DYNLT1: variants seen among roughly 807,000 people sequenced by gnomAD.
DYNLT1 encodes the protein dynein light chain Tctex-type 1, also known as T-complex testis-specific protein 1 homolog.
Under a neutral mutation model 19.6 loss-of-function variants are expected in DYNLT1, and 18 were observed. The observed-to-expected ratio is 0.92, with a 90% CI of 0.64 to 1.36. The LOEUF is 1.36. Ranked by LOEUF, DYNLT1 falls within the 40% of genes most tolerant of loss-of-function variation. DYNLT1 has a pLI of 0.00. For missense variants in DYNLT1, 137 were observed against 139.3 expected (o/e 0.98, Z 0.08); for synonymous variants, 56 against 44.0 (o/e 1.27, Z -1.07).
At position 158,636,832 on chromosome 6, in the gene DYNLT1, T is replaced by TAGAC; in HGVS notation, c.333_336dup (p.Ile113ValfsTer25). Reference sequence around the variant, plus strand: ...GCCATAGGCTGGACTGCAGGTCAAATAGACAGTCCGAAGGCACTGACGATG... The same window carrying TAGAC: ...GCCATAGGCTGGACTGCAGGTCAAATAGACAGACAGTCCGAAGGCACTGACGATG... On this transcript the variant is annotated frameshift_variant, in exon 5 of 5. Transcript: ENST00000367089. LOFTEE classifies it high-confidence loss of function. The TAGAC allele has an allele frequency of 2.5e-6, 4 of 1,610,942 alleles. No individual in the cohort carries two copies. Among genetic ancestry groups the TAGAC allele is most frequent in the Non-Finnish European group, 3.4e-6 (4 of 1,178,674 alleles).
At chr6:158,638,546 TCC>T (rs1787070953) in intron 2 of DYNLT1, among the ~76,000 whole-genome samples, 1 of 113,004 alleles carries the variant, frequency 8.8e-6, no homozygotes, top group Non-Finnish European at 2.1e-5. Context: ...CACCTCAGCT[TCC>T]CTCCTGGGCT....
intron 4 of DYNLT1, 90 bp downstream of exon 4, chr6:158,637,038 G>A (rs747177314): frequency 1.3e-6 from 2 of 1,555,976 alleles, no homozygotes; most frequent in Non-Finnish European, 1.8e-6. Context: ...GTTTTAAAAG[G>A]TGATAAACAT....
chr6:158,641,443 A>G, intron 1 of DYNLT1, 83 bp from the exon 2 acceptor site: 1 of 1,243,792 alleles, frequency 8.0e-7, no homozygotes, highest in Non-Finnish European at 1.1e-6. Flanking sequence ...TAGGTAATGA[A>G]CATAATGTAG....
chr6:158,644,661 C>T, intron 1 of DYNLT1, 21 bp downstream of exon 1: 2 of 1,611,868 alleles, frequency 1.2e-6, no homozygotes, highest in East Asian at 2.2e-5. Context: ...TCCACCCTTC[C>T]GTCGCCGACC....
chr6:158,637,131 CAGT>C lies in DYNLT1; in HGVS notation c.265_267del (p.Thr89del). On this transcript the variant is annotated inframe_deletion, in exon 4 of 5. Transcript: ENST00000367089. ...CAAACATGAATGAAAATCATACCGT[CAGT>C]AGAGCTGTCCCAGAAGCAGGAACTT... 5 of 1,614,226 alleles carry C rather than the reference CAGT, an allele frequency of 3.1e-6. No homozygotes were observed. The highest frequency in any genetic ancestry group is 4.2e-6 in the Non-Finnish European group (5 of 1,180,028).
chr6:158,637,006 CT>C, intron 4 of DYNLT1, 109 bp from the exon 5 acceptor site: 1 of 1,539,324 alleles, frequency 6.5e-7, no homozygotes. Context: ...CACAAAGAAC[CT>C]TGGCAAGTCT....
intron 2 of DYNLT1, among the ~76,000 whole-genome samples, chr6:158,640,455 A>C: frequency 1.3e-5 from 2 of 150,380 alleles, no homozygotes; most frequent in East Asian, 2.0e-4. Context: ...GATGAGGAAA[A>C]CTCTTTCTGG....
At chr6:158,644,140 T>C (rs9364985) in intron 1 of DYNLT1, among the ~76,000 whole-genome samples, 98,562 of 151,716 alleles carry the variant, frequency 0.65, 32,834 homozygotes, top group African/African-American at 0.79. Context: ...ATTCCCAGCG[T>C]TGCAGAACCA....
intron 2 of DYNLT1, among the ~76,000 whole-genome samples, chr6:158,640,527 A>G (rs773808761): frequency 1.5e-4 from 23 of 151,700 alleles, no homozygotes; most frequent in Non-Finnish European, 2.7e-4. Flanking sequence ...AGCCACACCC[A>G]CCTCCTTTCA....
At chr6:158,639,811 G>T (rs1264534720) in intron 2 of DYNLT1, among the ~76,000 whole-genome samples, 1 of 152,178 alleles carries the variant, frequency 6.6e-6, no homozygotes, top group Non-Finnish European at 1.5e-5. Context: ...CTCCCAAGGA[G>T]CTGGGACTAC....
rs1194226473 is a variant in DYNLT1, at chr6:158,637,883, G to A, written c.81C>T (p.Ser27=). The change falls in exon 3 of 5, where the codon AGC becomes AGT. Residue 27 remains serine (S), a synonymous_variant. Coordinates refer to ENST00000367089, the MANE Select transcript of DYNLT1 (RefSeq NM_006519.4). ...GTTGATAAGCGTTACCACCAATTGC[G>A]CTTTCTATAGCCTAGAAAACAAAGC... ...VSNIVKEAIE[S]AIGGNAYQHS... 4.4e-6 allele frequency: 7 copies of A among 1,602,940 alleles called. No homozygotes were observed. Among genetic ancestry groups the A allele is most frequent in the East Asian group, 2.2e-5 (1 of 44,894 alleles).
intron 1 of DYNLT1, among the ~76,000 whole-genome samples, chr6:158,643,653 G>T (rs774356790): frequency 5.3e-5 from 8 of 151,946 alleles, no homozygotes; most frequent in Non-Finnish European, 1.0e-4. Context: ...GGCTAATTTT[G>T]TATTTTTAAA....
intron 2 of DYNLT1, among the ~76,000 whole-genome samples, chr6:158,639,311 G>A (rs1342080355): frequency 2.6e-5 from 4 of 152,198 alleles, no homozygotes; most frequent in African/African-American, 4.8e-5. Flanking sequence ...GGCTACAAGA[G>A]GGCTGGGGGG....
chr6:158,641,356 G>A lies in DYNLT1; in HGVS notation c.32C>T (p.Ala11Val), dbSNP rs757045992. The A allele has an allele frequency of 6.3e-7, 1 of 1,594,794 alleles. No homozygotes were observed. Among genetic ancestry groups the A allele is most frequent in the African/African-American group, 1.4e-5 (1 of 73,824 alleles). Residue 11 changes from alanine (A) to valine (V), a missense_variant, in exon 2 of 5, where the codon GCT becomes GTT. Coordinates refer to ENST00000367089, the MANE Select transcript of DYNLT1 (RefSeq NM_006519.4). MEDYQAAEET[A>V]FVVDEVSNIV... Reference sequence around the variant, plus strand: ...GTTGCTCACTTCATCAACAACAAAAGCAGTCTGTAAGGAAGAACATTCAGT... The same window carrying A: ...GTTGCTCACTTCATCAACAACAAAAACAGTCTGTAAGGAAGAACATTCAGT...
intron 3 of DYNLT1, 141 bp from the exon 4 acceptor site, chr6:158,637,346 T>C: frequency 1.4e-6 from 1 of 716,348 alleles, no homozygotes; most frequent in East Asian, 2.7e-5. Flanking sequence ...GATTGCCTTG[T>C]CTCACTATAT....
At chr6:158,637,661 G>C in intron 3 of DYNLT1, 110 bp downstream of exon 3, 5 of 1,561,626 alleles carry the variant, frequency 3.2e-6, no homozygotes, top group South Asian at 1.1e-5. Flanking sequence ...CTCCCACCAG[G>C]AGCCTTCCTT....
At position 158,644,676 on chromosome 6, in the gene DYNLT1, G is replaced by T; in HGVS notation, c.27+6C>A. On this transcript the variant is annotated splice_donor_region_variant and intron_variant, in intron 1 of 4. Coordinates refer to ENST00000367089, the MANE Select transcript of DYNLT1 (RefSeq NM_006519.4). Reference sequence around the variant, plus strand: ...TCCACCCTTCCGTCGCCGACCCGGCGGTTACCTCCTCCGCAGCCTGGTAGT... The same window carrying T: ...TCCACCCTTCCGTCGCCGACCCGGCTGTTACCTCCTCCGCAGCCTGGTAGT... The T allele has an allele frequency of 6.2e-7, 1 of 1,612,096 alleles. No individual in the cohort carries two copies.
intron 1 of DYNLT1, chr6:158,642,475 T>G (rs1297348560): frequency 6.6e-6 from 1 of 152,250 alleles, no homozygotes; most frequent in Non-Finnish European, 1.5e-5. Context: ...TCAGTCAACG[T>G]GCATCCTGAG....
At chr6:158,636,949 GTT>G (rs762173888) in intron 4 of DYNLT1, 52 bp from the exon 5 acceptor site, 1 of 1,592,706 alleles carries the variant, frequency 6.3e-7, no homozygotes, top group Non-Finnish European at 8.6e-7. Flanking sequence ...GGGGGACGAC[GTT>G]TTACTCACAA....
Sources: allele counts gnomAD v4.1 joint callset (sites outside exome capture counted in the v4.1 genomes callset), GRCh38; gene constraint gnomAD v4.1.1; transcripts MANE v1.5; gene names NCBI Gene and HGNC (gene_info 2026-07-23, HGNC 2026-07-21).